NUP107: variants seen among roughly 807,000 people sequenced by gnomAD.
NUP107 encodes nuclear pore complex protein Nup107.
NUP107 carries 101 observed loss-of-function variants against 141.0 expected under a neutral mutation model. The ratio of observed to expected loss-of-function variants is 0.72; its 90% CI spans 0.61 to 0.84. The LOEUF is 0.84. NUP107 is among the 40% of genes least tolerant of loss of function. NUP107 has a pLI of 0.00. For synonymous variants in NUP107, 319 were observed against 363.9 expected (o/e 0.88, Z 1.41); for missense variants, 941 against 1,102.7 (o/e 0.85, Z 2.08).
intron 1 of NUP107, chr12:68,687,343 C>A (rs963760861): frequency 1.3e-6 from 1 of 754,684 alleles, no homozygotes; most frequent in Non-Finnish European, 1.9e-6. Flanking sequence ...ACTGTTCGCT[C>A]CTGGGGTGGG....
intron 4 of NUP107, among the ~76,000 whole-genome samples, chr12:68,691,499 T>C (rs1363211148): frequency 3.3e-5 from 5 of 152,194 alleles, no homozygotes; most frequent in Non-Finnish European, 7.3e-5. Context: ...AGAAATGTTA[T>C]GTAAGCTGTG....
intron 6 of NUP107, among the ~76,000 whole-genome samples, chr12:68,697,718 G>A (rs1876136423): frequency 6.6e-6 from 1 of 152,084 alleles, no homozygotes; most frequent in Non-Finnish European, 1.5e-5. Context: ...AAGATATACA[G>A]ATGGCAAATA....
At chr12:68,707,484 A>G (rs1047832208) in intron 8 of NUP107, among the ~76,000 whole-genome samples, 2 of 152,144 alleles carry the variant, frequency 1.3e-5, no homozygotes, top group African/African-American at 2.4e-5. Context: ...GCCTAGTCCC[A>G]TCTACATGTG....
At chr12:68,727,149 A>G (rs1231796569) in intron 19 of NUP107, among the ~76,000 whole-genome samples, 1 of 152,192 alleles carries the variant, frequency 6.6e-6, no homozygotes, top group Non-Finnish European at 1.5e-5. Context: ...GTGAACAATA[A>G]TAGTAACTAC....
At chr12:68,706,517 A>G in intron 8 of NUP107, 3 of 682,298 alleles carry the variant, frequency 4.4e-6, no homozygotes, top group Admixed American at 2.2e-5. Flanking sequence ...GCTTGGAAGC[A>G]TGGGATGACC....
At chr12:68,707,869 G>A (rs1203179695) in intron 8 of NUP107, among the ~76,000 whole-genome samples, 1 of 152,150 alleles carries the variant, frequency 6.6e-6, no homozygotes, top group African/African-American at 2.4e-5. Flanking sequence ...GGCCGAGGCA[G>A]GTAGACTGCT....
At position 68,733,601 on chromosome 12, in the gene NUP107, A is replaced by G. The variant is rs758488345; in HGVS notation, c.2251A>G (p.Arg751Gly). The G allele has an allele frequency of 2.5e-6, 4 of 1,610,300 alleles. No individual in the cohort carries two copies. Among genetic ancestry groups the G allele is most frequent in the African/African-American group, 1.3e-5 (1 of 74,752 alleles). Residue 751 changes from arginine to glycine, a missense_variant, in exon 24 of 28, where the codon AGA becomes GGA. By Grantham distance (125) the Arg-to-Gly change is moderately radical. Coordinates refer to ENST00000229179, the MANE Select transcript of NUP107 (RefSeq NM_020401.4). Reference sequence around the variant, plus strand: ...TGCTATCCGAGAACATTTGTGCATCAGAGCTTATTTGGTGAGACTGTAAAG... The same window carrying G: ...TGCTATCCGAGAACATTTGTGCATCGGAGCTTATTTGGTGAGACTGTAAAG... ...DNAIREHLCI[R>G]AYLEAHETFN...
At chr12:68,708,838 C>T (rs1179318057) in intron 8 of NUP107, among the ~76,000 whole-genome samples, 1 of 152,092 alleles carries the variant, frequency 6.6e-6, no homozygotes, top group East Asian at 1.9e-4. Flanking sequence ...AGACTGGTCT[C>T]GAACTCCTGA....
rs149594646 is a variant in NUP107 at position 68,732,687 on chromosome 12, G to T, written c.2049G>T (p.Ala683=). The T allele has an allele frequency of 5.3e-5, 85 of 1,609,400 alleles. No homozygotes were observed. Among genetic ancestry groups the T allele is most frequent in the Non-Finnish European group, 6.7e-5 (79 of 1,176,744 alleles). ...DVIDWLVFDP[A]QRAEALKQGN... ...TTGACTGGTTGGTATTTGACCCAGC[G>T]CAGAGGGCAGAAGCACTGAAACAAG... Residue 683 remains alanine, a synonymous_variant, in exon 23 of 28, where the codon GCG becomes GCT. Transcript: ENST00000229179.
intron 26 of NUP107, 22 bp downstream of exon 26, chr12:68,735,366 T>C: frequency 1.3e-6 from 2 of 1,565,306 alleles, no homozygotes; most frequent in Non-Finnish European, 1.8e-6. Flanking sequence ...GCATTGTTTA[T>C]AGCCAAAAAC....
chr12:68,726,634 G>A lies in NUP107; in HGVS notation c.1695+17G>A, dbSNP rs751745566. 2.8e-6 allele frequency: 4 copies of A among 1,442,076 alleles called. No homozygotes were observed. The highest frequency in any genetic ancestry group is 2.9e-6 in the Non-Finnish European group (3 of 1,025,550). The allele number at this position is 1,442,076 out of a possible 1,614,324, so 89.3% of individuals were successfully genotyped here. On this transcript the variant is annotated intron_variant, in intron 19 of 27. Coordinates refer to ENST00000229179, the MANE Select transcript of NUP107 (RefSeq NM_020401.4). ...CAGACCAAGGTATATAAAAATGAAC[G>A]ATTTCTTCTTCTCTGTAATGTTGAT...
intron 4 of NUP107, among the ~76,000 whole-genome samples, chr12:68,691,293 T>C (rs972668085): frequency 2.6e-5 from 4 of 152,194 alleles, no homozygotes; most frequent in Admixed American, 2.6e-4. Flanking sequence ...AAGAAGTACA[T>C]GCTGTGGTTG....
At position 68,721,850 on chromosome 12, in the gene NUP107, G is replaced by A; in HGVS notation, c.1321G>A (p.Val441Ile). ...LSGNLKQLLP[V>I]CDTWEDTVWA... ...TGTAATGGGGAAAAAGCTGCTTCCT[G>A]TCTGTGACACCTGGGAAGACACAGT... is the stretch of plus-strand genomic sequence containing the variant. Residue 441 changes from valine (V) to isoleucine (I), a missense_variant, in exon 16 of 28, where the codon GTC (valine) becomes ATC (isoleucine). Transcript: ENST00000229179. The A allele has an allele frequency of 6.2e-7, 1 of 1,612,698 alleles. No homozygotes were observed. Among genetic ancestry groups the A allele is most frequent in the Non-Finnish European group, 8.5e-7 (1 of 1,179,672 alleles).
chr12:68,726,633 C>A lies in NUP107; in HGVS notation c.1695+16C>A. Reference sequence around the variant, plus strand: ...ACAGACCAAGGTATATAAAAATGAACGATTTCTTCTTCTCTGTAATGTTGA... The same window carrying A: ...ACAGACCAAGGTATATAAAAATGAAAGATTTCTTCTTCTCTGTAATGTTGA... On this transcript the variant is annotated intron_variant, in intron 19 of 27. Transcript: ENST00000229179. 6.9e-7 allele frequency: 1 copy of A among 1,453,356 alleles called. No individual in the cohort carries two copies. The highest frequency in any genetic ancestry group is 9.7e-7 in the Non-Finnish European group (1 of 1,035,756). The allele number at this position is 1,453,356 out of a possible 1,614,324, so 90.0% of individuals were successfully genotyped here.
Position 68,697,438 on chromosome 12 carries a change from T to C in NUP107, c.552+516T>C, listed in dbSNP as rs183951868. Among the ~76,000 whole-genome samples, 8 of 120,280 alleles carry C rather than the reference T, an allele frequency of 6.7e-5. No individual in the cohort carries two copies. The East Asian group carries it at 2.1e-3, about 31-fold the overall frequency. The allele number at this position is 120,280 out of a possible 152,430, so 78.9% of individuals were successfully genotyped here. ...ACCCTGTCTGAAGGAAAATCTAAAA[T>C]ATACGAGGAATATTTAGAACTCAAC... On this transcript the variant is annotated intron_variant, in intron 6 of 27. Coordinates refer to ENST00000229179, the MANE Select transcript of NUP107 (RefSeq NM_020401.4).
At chr12:68,718,864 A>G (rs1877225612) in intron 12 of NUP107, among the ~76,000 whole-genome samples, 1 of 151,580 alleles carries the variant, frequency 6.6e-6, no homozygotes, top group African/African-American at 2.4e-5. Context: ...GTATGTATGT[A>G]TGTATGTATG....
chr12:68,704,787 T>C (rs868669123), intron 8 of NUP107, among the ~76,000 whole-genome samples: 5 of 152,036 alleles, frequency 3.3e-5, no homozygotes, highest in African/African-American at 1.2e-4. Flanking sequence ...CAAGTATATA[T>C]AGTTAAAAAA....
chr12:68,728,099 A>G (rs1877641471), intron 20 of NUP107, among the ~76,000 whole-genome samples: 1 of 152,080 alleles, frequency 6.6e-6, no homozygotes, highest in South Asian at 2.1e-4. Context: ...CCTGGGCAAC[A>G]TAGGGAGACC....
intron 20 of NUP107, among the ~76,000 whole-genome samples, chr12:68,730,418 C>T (rs1877772730): frequency 6.6e-6 from 1 of 151,630 alleles, no homozygotes; most frequent in Non-Finnish European, 1.5e-5. Context: ...AGGGTTTTGT[C>T]TTGTTGGCCA....
Sources: gnomAD v4.1 joint callset for allele counts (sites outside exome capture counted in the v4.1 genomes callset) on GRCh38, gnomAD v4.1.1 for gene constraint, MANE v1.5 for transcripts, NCBI Gene and HGNC (gene_info 2026-07-23, HGNC 2026-07-21) for gene names.